Variants in PPARGC1A observed in about 807,000 individuals in gnomAD.
The protein encoded by PPARGC1A is PPARG coactivator 1 alpha.
A neutral mutation model predicts 88.7 loss-of-function variants in PPARGC1A; 25 were observed. That is an observed-to-expected ratio of 0.28 (90% confidence interval 0.21 to 0.39). The LOEUF is 0.39. Among genes scored for constraint, PPARGC1A ranks in the 10% least tolerant of loss-of-function variants. The pLI, the probability that PPARGC1A is intolerant of heterozygous loss-of-function variation, is 1.00. For missense variants in PPARGC1A, 880 were observed against 968.7 expected, an observed-to-expected ratio of 0.91 and a Z score of 1.22; for synonymous variants, 363 against 355.6, an observed-to-expected ratio of 1.02 and a Z score of -0.24.
At chr4:24,245,925 G>GCGCACA in the PPARGC1A span, among the ~76,000 whole-genome samples, 53 of 148,476 alleles carry the variant, frequency 3.6e-4, no homozygotes, top group African/African-American at 8.0e-4. Context: ...AAAGCCATGT[G>GCGCACA]CACACACACA....
At chr4:23,900,464 C>T (rs1028821729), upstream of PPARGC1A, among the ~76,000 whole-genome samples, 1 of 152,228 alleles carries the variant, frequency 6.6e-6, no homozygotes, top group Non-Finnish European at 1.5e-5. Flanking sequence ...ATATAAATGC[C>T]TATTTTACAT....
the PPARGC1A span, among the ~76,000 whole-genome samples, chr4:24,086,116 T>C: frequency 5.3e-5 from 8 of 152,336 alleles, no homozygotes; most frequent in South Asian, 6.2e-4. Flanking sequence ...TTTATCCTCC[T>C]GATGTATGAC....
the PPARGC1A span, among the ~76,000 whole-genome samples, chr4:24,401,449 C>CA: frequency 6.6e-6 from 1 of 152,114 alleles, no homozygotes; most frequent in Non-Finnish European, 1.5e-5. Flanking sequence ...CCCATGAGTC[C>CA]AAGGTCCACG....
the PPARGC1A span, among the ~76,000 whole-genome samples, chr4:24,073,821 C>G: frequency 6.6e-6 from 1 of 152,172 alleles, no homozygotes; most frequent in South Asian, 2.1e-4. Flanking sequence ...ACTGGCCTCT[C>G]CCTTTTACAG....
At chr4:23,897,480 C>T (rs989433292) in intron 1 of PPARGC1A, among the ~76,000 whole-genome samples, 2 of 152,112 alleles carry the variant, frequency 1.3e-5, no homozygotes, top group East Asian at 1.9e-4. Flanking sequence ...CAAAGATGGC[C>T]GGATTCAATT....
the PPARGC1A span, among the ~76,000 whole-genome samples, chr4:23,932,937 G>A: frequency 6.6e-6 from 1 of 152,188 alleles, no homozygotes; most frequent in Non-Finnish European, 1.5e-5. Flanking sequence ...CATTAGACAG[G>A]TGCTTCAAGG....
chr4:23,909,236 G>A, the PPARGC1A span, among the ~76,000 whole-genome samples: 1 of 152,182 alleles, frequency 6.6e-6, no homozygotes, highest in Non-Finnish European at 1.5e-5. Context: ...AATTATGTAT[G>A]TATAGAGAAG....
chr4:23,945,885 A>T, the PPARGC1A span, among the ~76,000 whole-genome samples: 1 of 152,188 alleles, frequency 6.6e-6, no homozygotes, highest in Non-Finnish European at 1.5e-5. Context: ...TTCCAATGCC[A>T]GTGACTCACA....
At chr4:24,413,581 T>C in the PPARGC1A span, among the ~76,000 whole-genome samples, 2 of 152,124 alleles carry the variant, frequency 1.3e-5, no homozygotes, top group African/African-American at 4.8e-5. Context: ...CCGGCTGGGA[T>C]CCCCACTGGT....
chr4:24,337,988 G>C, the PPARGC1A span, among the ~76,000 whole-genome samples: 1 of 152,116 alleles, frequency 6.6e-6, no homozygotes, highest in Non-Finnish European at 1.5e-5. Context: ...TCTGCTCCTT[G>C]TCATCCGGTC....
upstream of PPARGC1A, chr4:23,904,141 G>A: frequency 1.4e-6 from 1 of 716,342 alleles, no homozygotes; most frequent in Non-Finnish European, 1.7e-6. Flanking sequence ...TGGTGACGTG[G>A]GAGGGCATCT....
the PPARGC1A span, among the ~76,000 whole-genome samples, chr4:23,960,559 G>T: frequency 6.6e-6 from 1 of 151,690 alleles, no homozygotes; most frequent in Non-Finnish European, 1.5e-5. Context: ...GACTTGGGCA[G>T]GTAAATCCTT....
the PPARGC1A span, among the ~76,000 whole-genome samples, chr4:23,947,352 G>GATTGATATATAT: frequency 2.6e-5 from 2 of 75,814 alleles, no homozygotes; most frequent in African/African-American, 6.1e-5. Context: ...GTTATATAGT[G>GATTGATATATAT]ATATATATAT....
the PPARGC1A span, among the ~76,000 whole-genome samples, chr4:24,337,991 A>T: frequency 6.6e-6 from 1 of 151,996 alleles, no homozygotes; most frequent in Non-Finnish European, 1.5e-5. Flanking sequence ...GCTCCTTGTC[A>T]TCCGGTCTGA....
the PPARGC1A span, among the ~76,000 whole-genome samples, chr4:24,192,075 T>C: frequency 2.0e-5 from 3 of 152,240 alleles, no homozygotes; most frequent in African/African-American, 7.2e-5. Flanking sequence ...ATGGCTCCAC[T>C]AGCATTTCTT....
the PPARGC1A span, among the ~76,000 whole-genome samples, chr4:24,219,403 A>G: frequency 6.6e-6 from 1 of 152,096 alleles, no homozygotes; most frequent in South Asian, 2.1e-4. Context: ...ACAAACAGCA[A>G]CCAGGTTATC....
At chr4:24,447,263 C>T in the PPARGC1A span, among the ~76,000 whole-genome samples, 135 of 152,328 alleles carry the variant, frequency 8.9e-4, no homozygotes, top group Non-Finnish European at 1.5e-3. Context: ...CTGCCCAGCT[C>T]TGCTGAGTAC....
the PPARGC1A span, among the ~76,000 whole-genome samples, chr4:24,066,384 C>T: frequency 1.3e-5 from 2 of 152,066 alleles, no homozygotes; most frequent in Non-Finnish European, 2.9e-5. Flanking sequence ...TTTGCTTCAC[C>T]TGAAAGAGAG....
At chr4:24,305,510 C>T in the PPARGC1A span, among the ~76,000 whole-genome samples, 680 of 152,228 alleles carry the variant, frequency 4.5e-3, 6 homozygotes, top group African/African-American at 0.016. Flanking sequence ...GATCTGCTAC[C>T]GCTTAAAAGA....
Sources: allele counts gnomAD v4.1 joint callset (sites outside exome capture counted in the v4.1 genomes callset), GRCh38; gene constraint gnomAD v4.1.1; transcripts MANE v1.5; gene names NCBI Gene and HGNC (gene_info 2026-07-23, HGNC 2026-07-21).